SDK2: variants seen among roughly 807,000 people sequenced by gnomAD.
SDK2 encodes the protein protein sidekick-2.
Under a neutral mutation model 253.9 loss-of-function variants are expected in SDK2, and 105 were observed. That is an observed-to-expected ratio of 0.41 (90% CI 0.35 to 0.49). The LOEUF is 0.49. SDK2 is among the 20% of genes least tolerant of loss of function. The pLI, the probability that SDK2 is intolerant of heterozygous loss-of-function variation, is 0.06. For synonymous variants in SDK2, 1,249 were observed against 1,234.9 expected, an observed-to-expected ratio of 1.01 and a Z score of -0.24; for missense variants, 2,608 against 3,003.0, an observed-to-expected ratio of 0.87 and a Z score of 3.07.
At position 73,390,306 on chromosome 17, in the gene SDK2, C is replaced by CGTATAGTTAAA; in HGVS notation, c.4172_4173insTTTAACTATAC (p.Val1392LeufsTer5). 1 of 1,589,374 alleles carries CGTATAGTTAAA rather than the reference C, an allele frequency of 6.3e-7. No individual in the cohort carries two copies. ...AGTCACCTCTCTTCTCGGTGGTCAC[C>CGTATAGTTAAA]ACCAAGGCCTCGGCAGCTTCTCCCC... On this transcript the variant is annotated frameshift_variant, in exon 29 of 45. Coordinates refer to ENST00000392650, the MANE Select transcript of SDK2 (RefSeq NM_001144952.2). LOFTEE classifies it high-confidence loss of function.
At chr17:73,364,617 TTTTTC>T (rs555351464) in intron 38 of SDK2, among the ~76,000 whole-genome samples, 277 of 152,218 alleles carry the variant, frequency 1.8e-3, no homozygotes, top group African/African-American at 6.5e-3. Flanking sequence ...TCCCCTCTTC[TTTTTC>T]TTTTCTTTTT....
rs558104964 is a variant in SDK2, at chr17:73,609,342, A to G, written c.64+34683T>C. On this transcript the variant is annotated intron_variant, in intron 1 of 44. Coordinates refer to ENST00000392650, the MANE Select transcript of SDK2 (RefSeq NM_001144952.2). This position sits in a 1 kb window ranked among gnomAD's most constrained non-coding sequence, Gnocchi z 4.4. ...AGAACTGAGTCCAGAACGCCCTGAC[A>G]TCAGAGGCTGGACCAGGAGGAGGAG... 1.3e-5 allele frequency among the ~76,000 whole-genome samples: 2 copies of G among 152,314 alleles called. No homozygotes were observed. Among genetic ancestry groups the G allele is most frequent in the African/African-American group, 2.4e-5 (1 of 41,566 alleles).
chr17:73,395,232 C>A lies in SDK2; in HGVS notation c.3515G>T (p.Arg1172Leu), dbSNP rs145582973. The A allele has an allele frequency of 1.9e-6, 3 of 1,613,164 alleles. No homozygotes were observed. The African/African-American group carries it at 4.0e-5, about 22-fold the overall frequency. Reference protein sequence around the residue: ...IEDLEEWTEYRVQVQAFNAIG... With the variant: ...IEDLEEWTEYLVQVQAFNAIG... ...GGCGTTGAAGGCCTGGACCTGGACG[C>A]GGTACTCTGTCCACTCCTCCAGGTC... The change falls in exon 25 of 45, where the codon CGC becomes CTC. Residue 1172 changes from arginine to leucine, a missense_variant. Physicochemically the swap from Arg to Leu is moderately radical, Grantham distance 102. Around this residue, in one of 2 missense-constraint regions of SDK2, gnomAD observed 1,505 missense variants for 1,859.1 expected, o/e 0.81. Coordinates refer to ENST00000392650, the MANE Select transcript of SDK2 (RefSeq NM_001144952.2). The surrounding 1 kb of genome is among the most constrained non-coding windows in gnomAD (Gnocchi z 4.3).
chr17:73,643,984 C>T lies in SDK2; in HGVS notation c.64+41G>A, dbSNP rs761892703. 1.6e-5 allele frequency: 13 copies of T among 796,644 alleles called. 1 individual carries two copies. In the South Asian group the frequency reaches 1.9e-4, roughly 11 times the overall value. The allele number at this position is 796,644 out of a possible 1,614,324, so 49.3% of individuals were successfully genotyped here. On this transcript the variant is annotated intron_variant, in intron 1 of 44. Coordinates refer to ENST00000392650, the MANE Select transcript of SDK2 (RefSeq NM_001144952.2). The surrounding 1 kb of genome is among the most constrained non-coding windows in gnomAD (Gnocchi z 6.9). ...CCGCCGCCCCTCCCCCGCCCACTCT[C>T]CCAGCCCCCTCCCTGTCCCCACGTG... is the stretch of plus-strand genomic sequence containing the variant.
intron 2 of SDK2, among the ~76,000 whole-genome samples, chr17:73,495,390 C>T (rs1231619853): frequency 2.6e-5 from 4 of 152,172 alleles, no homozygotes; most frequent in African/African-American, 9.7e-5. Context: ...GGGTTATAGG[C>T]CAGGGCTGCC....
chr17:73,583,673 C>A (rs116327901), intron 1 of SDK2, among the ~76,000 whole-genome samples: 1,980 of 140,220 alleles, frequency 0.014, 46 homozygotes, highest in African/African-American at 0.052. Context: ...TGCATGGACA[C>A]TGCCTGGAGG....
chr17:73,416,249 C>T (rs547976600), intron 16 of SDK2, among the ~76,000 whole-genome samples: 7 of 132,614 alleles, frequency 5.3e-5, no homozygotes, highest in African/African-American at 1.4e-4. Context: ...CAGGCTGGAG[C>T]GCAGTGGCGC....
intron 1 of SDK2, among the ~76,000 whole-genome samples, chr17:73,537,473 C>T (rs1293802110): frequency 6.6e-6 from 1 of 152,142 alleles, no homozygotes; most frequent in African/African-American, 2.4e-5. Flanking sequence ...TCTATTGACC[C>T]AGCTCATAAG....
chr17:73,394,443 G>T, intron 25 of SDK2, 119 bp from the exon 26 acceptor site: 1 of 528,210 alleles, frequency 1.9e-6, no homozygotes, highest in Non-Finnish European at 3.1e-6. Context: ...CTCTATGGAA[G>T]AAACGTGGCA....
At chr17:73,590,269 A>T (rs532159275) in intron 1 of SDK2, among the ~76,000 whole-genome samples, 2 of 152,360 alleles carry the variant, frequency 1.3e-5, no homozygotes, top group South Asian at 4.1e-4. Context: ...TAATCCAGGC[A>T]TGTGCTAATG....
intron 1 of SDK2, among the ~76,000 whole-genome samples, chr17:73,615,890 CACAT>C (rs762207730): frequency 6.6e-6 from 1 of 152,284 alleles, no homozygotes; most frequent in Admixed American, 6.5e-5. Flanking sequence ...TGTGCATTCA[CACAT>C]ACATATATGT....
At chr17:73,446,211 T>C (rs758150756) in intron 5 of SDK2, among the ~76,000 whole-genome samples, 4 of 152,064 alleles carry the variant, frequency 2.6e-5, no homozygotes, top group Non-Finnish European at 5.9e-5. Context: ...GGGAATCTGA[T>C]CACTAGAAAA....
Position 73,472,079 on chromosome 17 carries a change from C to G in SDK2, c.331+33G>C, listed in dbSNP as rs535486920. The G allele has an allele frequency of 3.0e-5, 44 of 1,461,210 alleles. No homozygotes were observed. In the East Asian group the frequency reaches 9.7e-4, roughly 32 times the overall value. 90.5% of individuals were successfully genotyped at this position (1,461,210 alleles called of 1,614,324 possible). ...GGGTGCCACTCTGGCACCACAGTCGCCCCCCCTGCCCCTGGGTCCCCATTG... is the reference window on the plus strand; with the variant it reads ...GGGTGCCACTCTGGCACCACAGTCGGCCCCCCTGCCCCTGGGTCCCCATTG... On this transcript the variant is annotated intron_variant, in intron 3 of 44. Transcript: ENST00000392650.
At chr17:73,415,494 T>A (rs1257113643) in intron 17 of SDK2, among the ~76,000 whole-genome samples, 1 of 151,842 alleles carries the variant, frequency 6.6e-6, no homozygotes, top group African/African-American at 2.4e-5. Context: ...CACAGGCATG[T>A]ACCACCACAC....
At chr17:73,589,150 T>C (rs2045647053) in intron 1 of SDK2, among the ~76,000 whole-genome samples, 2 of 152,264 alleles carry the variant, frequency 1.3e-5, no homozygotes, top group Admixed American at 6.5e-5. Context: ...CAGTGGCTAC[T>C]GTATGCTCCT....
chr17:73,461,904 T>C (rs2063564774), intron 3 of SDK2, among the ~76,000 whole-genome samples: 1 of 151,934 alleles, frequency 6.6e-6, no homozygotes, highest in African/African-American at 2.4e-5. Context: ...TTTGTATGCA[T>C]GTACATGTCT....
At chr17:73,442,105 G>A (rs182866265) in intron 5 of SDK2, among the ~76,000 whole-genome samples, 34 of 152,388 alleles carry the variant, frequency 2.2e-4, no homozygotes, top group Admixed American at 2.0e-3. Context: ...TGTTAGGTGT[G>A]TATATTTCCA....
chr17:73,543,298 C>T (rs2044899952), intron 1 of SDK2, among the ~76,000 whole-genome samples: 1 of 152,136 alleles, frequency 6.6e-6, no homozygotes, highest in African/African-American at 2.4e-5. Context: ...ATGGTGCCCG[C>T]ACCCTCGCAG....
At chr17:73,628,929 T>C (rs774736690) in intron 1 of SDK2, among the ~76,000 whole-genome samples, 4 of 152,104 alleles carry the variant, frequency 2.6e-5, no homozygotes, top group African/African-American at 4.8e-5. Flanking sequence ...CAGACCCCCC[T>C]GGACGTGAGC....
Sources: allele counts gnomAD v4.1 joint callset (sites outside exome capture counted in the v4.1 genomes callset), GRCh38; gene constraint gnomAD v4.1.1; regional missense constraint gnomAD v4.1.1; non-coding constraint Gnocchi (gnomAD v3.1); transcripts MANE v1.5; gene names NCBI Gene and HGNC (gene_info 2026-07-23, HGNC 2026-07-21).